Variants in HPSE2 observed in about 807,000 individuals in gnomAD.
The protein encoded by HPSE2 is inactive heparanase-2.
In HPSE2, 38 loss-of-function variants were observed where a neutral mutation model predicts 60.5. The ratio of observed to expected loss-of-function variants is 0.63; its 90% CI spans 0.48 to 0.82. The LOEUF (loss-of-function observed/expected upper bound fraction) is 0.82, where lower values mean the gene tolerates loss of function less well. HPSE2 is among the 40% of genes least tolerant of loss of function. The pLI, the probability that HPSE2 is intolerant of heterozygous loss-of-function variation, is 0.00. For synonymous variants in HPSE2, 295 were observed against 293.2 expected, an observed-to-expected ratio of 1.01 and a Z score of -0.06; for missense variants, 713 against 740.4, an observed-to-expected ratio of 0.96 and a Z score of 0.43.
chr10:98,527,116 TC>T (rs1211863497), intron 9 of HPSE2, among the ~76,000 whole-genome samples: 3 of 152,152 alleles, frequency 2.0e-5, no homozygotes, highest in Non-Finnish European at 2.9e-5. Flanking sequence ...AATTTCTACC[TC>T]CTGATATCTT....
chr10:98,611,253 TA>T (rs958598997), intron 9 of HPSE2, among the ~76,000 whole-genome samples: 22 of 152,342 alleles, frequency 1.4e-4, no homozygotes, highest in African/African-American at 5.3e-4. Flanking sequence ...TGATCTTTTC[TA>T]AGGACAAGTT....
At chr10:99,118,799 T>C (rs1285318953) in intron 3 of HPSE2, among the ~76,000 whole-genome samples, 2 of 151,962 alleles carry the variant, frequency 1.3e-5, no homozygotes, top group East Asian at 2.0e-4. Context: ...GTCAGACCAC[T>C]TGAGGTCAGG....
intron 3 of HPSE2, among the ~76,000 whole-genome samples, chr10:99,032,503 T>C (rs188872142): frequency 5.9e-5 from 9 of 152,338 alleles, no homozygotes; most frequent in African/African-American, 2.2e-4. Context: ...TATTTTAATA[T>C]TTATTTATGC....
intron 10 of HPSE2, among the ~76,000 whole-genome samples, chr10:98,485,160 G>C (rs962104898): frequency 2.0e-5 from 3 of 152,148 alleles, no homozygotes; most frequent in Non-Finnish European, 4.4e-5. Flanking sequence ...ACAGTTTCCA[G>C]GGCTCTTCCG....
chr10:99,144,416 A>T lies in HPSE2; in HGVS notation c.449-17T>A, dbSNP rs779181426. The stretch of plus-strand genomic sequence containing the variant: ...GAACAATGTCTACAAAAAGAAAGAA[A>T]GAAGGCAGGCAGCAAAAACTAAAAC... On this transcript the variant is annotated splice_polypyrimidine_tract_variant and intron_variant, in intron 2 of 11. Transcript: ENST00000370552. 1 of 1,612,060 alleles carries T rather than the reference A, an allele frequency of 6.2e-7. No homozygotes were observed. Among genetic ancestry groups the T allele is most frequent in the East Asian group, 2.2e-5 (1 of 44,884 alleles).
chr10:98,457,543 G>A lies in HPSE2; in HGVS notation c.*2031C>T, dbSNP rs1342720248. On this transcript the variant is annotated 3_prime_UTR_variant, in exon 12 of 12. Coordinates refer to ENST00000370552, the MANE Select transcript of HPSE2 (RefSeq NM_021828.5). ...TTGGTTACTCTTGTTATATCAGGGG[G>A]CCCTGCAGTCGCACCTGTACCAGTA... 1 of 152,222 alleles carries A rather than the reference G, an allele frequency of 6.6e-6. No individual in the cohort carries two copies. The highest frequency in any genetic ancestry group is 1.5e-5 in the Non-Finnish European group (1 of 68,058). 9.4% of individuals were successfully genotyped at this position (152,222 alleles called of 1,614,324 possible). A position where few individuals can be genotyped will look rare whatever the true frequency, so the allele number is the denominator to read the frequency against.
intron 3 of HPSE2, among the ~76,000 whole-genome samples, chr10:99,047,212 G>A (rs766465396): frequency 6.6e-6 from 1 of 152,102 alleles, no homozygotes; most frequent in Non-Finnish European, 1.5e-5. Flanking sequence ...ACAAAAACAA[G>A]CAATGGGGAA....
At chr10:98,759,448 C>T (rs1241249961) in intron 3 of HPSE2, among the ~76,000 whole-genome samples, 1 of 152,022 alleles carries the variant, frequency 6.6e-6, no homozygotes, top group Non-Finnish European at 1.5e-5. Flanking sequence ...AGTTTTTCAT[C>T]CATTTTGAAT....
At chr10:98,515,870 A>C (rs1018349885) in intron 9 of HPSE2, among the ~76,000 whole-genome samples, 1 of 152,164 alleles carries the variant, frequency 6.6e-6, no homozygotes, top group Non-Finnish European at 1.5e-5. Context: ...CACTACAAGC[A>C]CCTCGTATGT....
intron 4 of HPSE2, among the ~76,000 whole-genome samples, chr10:98,729,237 A>G (rs1049804889): frequency 1.3e-5 from 2 of 152,228 alleles, no homozygotes; most frequent in Admixed American, 6.5e-5. Context: ...CAGACTGAAT[A>G]AAAAATAGAT....
chr10:98,603,872 G>A (rs1342786433), intron 9 of HPSE2, among the ~76,000 whole-genome samples: 1 of 152,048 alleles, frequency 6.6e-6, no homozygotes, highest in East Asian at 1.9e-4. Flanking sequence ...TGCAGGAGAA[G>A]GGAAATACCA....
At chr10:99,178,880 G>A (rs888535951) in intron 2 of HPSE2, among the ~76,000 whole-genome samples, 4 of 152,070 alleles carry the variant, frequency 2.6e-5, no homozygotes, top group East Asian at 1.9e-4. Context: ...ATAAAATACC[G>A]GCAAACCGAA....
chr10:99,286,506 A>C, the HPSE2 span, among the ~76,000 whole-genome samples: 1 of 152,168 alleles, frequency 6.6e-6, no homozygotes, highest in Non-Finnish European at 1.5e-5. Context: ...GAGACAGAAA[A>C]TAGATTAGTG....
At chr10:99,173,559 A>T (rs1305718916) in intron 2 of HPSE2, among the ~76,000 whole-genome samples, 1 of 152,184 alleles carries the variant, frequency 6.6e-6, no homozygotes, top group Non-Finnish European at 1.5e-5. Flanking sequence ...TATTTGTGAT[A>T]CAAATTAGAT....
At chr10:98,622,200 T>C (rs1007680115) in intron 7 of HPSE2, among the ~76,000 whole-genome samples, 4 of 152,018 alleles carry the variant, frequency 2.6e-5, no homozygotes, top group African/African-American at 9.7e-5. Flanking sequence ...TCTTTAAAGG[T>C]TTAGTGTTAA....
chr10:98,730,620 G>T (rs939824552), intron 4 of HPSE2, among the ~76,000 whole-genome samples: 1 of 151,410 alleles, frequency 6.6e-6, no homozygotes, highest in African/African-American at 2.4e-5. Context: ...ATTACCAAAA[G>T]GGAACACCAC....
chr10:98,640,378 C>G (rs1202906065), intron 7 of HPSE2, among the ~76,000 whole-genome samples: 1 of 152,216 alleles, frequency 6.6e-6, no homozygotes. Flanking sequence ...GCCAATGCAC[C>G]TGATCCCTGG....
At chr10:98,867,085 GT>G (rs1342827711) in intron 3 of HPSE2, among the ~76,000 whole-genome samples, 1 of 152,128 alleles carries the variant, frequency 6.6e-6, no homozygotes, top group African/African-American at 2.4e-5. Flanking sequence ...CATTAACAGA[GT>G]TTATAGGTCA....
the HPSE2 span, among the ~76,000 whole-genome samples, chr10:99,300,706 A>G: frequency 6.6e-6 from 1 of 152,198 alleles, no homozygotes; most frequent in Non-Finnish European, 1.5e-5. Context: ...AACACAGATA[A>G]GAAGACCTCC....
Sources: allele counts gnomAD v4.1 joint callset (sites outside exome capture counted in the v4.1 genomes callset), GRCh38; gene constraint gnomAD v4.1.1; transcripts MANE v1.5; gene names NCBI Gene and HGNC (gene_info 2026-07-23, HGNC 2026-07-21).